KLF15: variants seen among roughly 807,000 people sequenced by gnomAD.
KLF15 encodes the protein Krueppel-like factor 15.
Under a neutral mutation model 24.6 loss-of-function variants are expected in KLF15, and 4 were observed. The observed-to-expected ratio is 0.16, with a 90% CI of 0.08 to 0.37. The LOEUF (loss-of-function observed/expected upper bound fraction) is 0.37. Ranked by LOEUF, KLF15 falls within the 10% of genes least tolerant of loss-of-function variation. The pLI is 1.00. For synonymous variants in KLF15, 246 were observed against 236.3 expected, an observed-to-expected ratio of 1.04 and a Z score of -0.37; for missense variants, 496 against 560.6, an observed-to-expected ratio of 0.88 and a Z score of 1.16.
In KLF15 at chr3:126,351,827, C is replaced by G. The variant is rs1371039059; in HGVS notation, c.1082+14G>C. 6.2e-7 allele frequency: 1 copy of G among 1,606,944 alleles called. No individual in the cohort carries two copies. On this transcript the variant is annotated intron_variant, in intron 2 of 2. Coordinates refer to ENST00000296233, the MANE Select transcript of KLF15 (RefSeq NM_014079.4). Reference sequence around the variant, plus strand: ...CTGTGCTCACTGCCCAGGCCTGTCACTCGCTATACTGACCTCCAGCCGCAG... The same window carrying G: ...CTGTGCTCACTGCCCAGGCCTGTCAGTCGCTATACTGACCTCCAGCCGCAG...
chr3:126,344,700 G>C (rs989698843), intron 2 of KLF15, among the ~76,000 whole-genome samples: 4 of 152,242 alleles, frequency 2.6e-5, no homozygotes, highest in African/African-American at 9.6e-5. Context: ...GGAGGAAGCA[G>C]CACAGGGAGA....
rs2082488677 is a variant in KLF15 at position 126,342,703 on chromosome 3, A to C, written c.*1024T>G. 1 of 152,608 alleles carries C rather than the reference A, an allele frequency of 6.6e-6. No homozygotes were observed. The highest frequency in any genetic ancestry group is 1.5e-5 in the Non-Finnish European group (1 of 68,040). The allele number at this position is 152,608 out of a possible 1,614,324, so 9.5% of individuals were successfully genotyped here. A position where few individuals can be genotyped will look rare whatever the true frequency, so the allele number is the denominator to read the frequency against. The stretch of plus-strand genomic sequence containing the variant: ...ATGAAGGACCAAAGAAAATATACGT[A>C]ATTGTAACATATGTACACCAGCTTC... On this transcript the variant is annotated 3_prime_UTR_variant, in exon 3 of 3. Coordinates refer to ENST00000296233, the MANE Select transcript of KLF15 (RefSeq NM_014079.4).
At chr3:126,314,260 T>G in the KLF15 span, among the ~76,000 whole-genome samples, 2 of 152,114 alleles carry the variant, frequency 1.3e-5, no homozygotes, top group Non-Finnish European at 2.9e-5. Context: ...GGTGGGGATA[T>G]GGGTCCCCCC....
the KLF15 span, among the ~76,000 whole-genome samples, chr3:126,302,806 T>A: frequency 6.6e-6 from 1 of 152,170 alleles, no homozygotes; most frequent in African/African-American, 2.4e-5. Context: ...GAAATAGATT[T>A]CTTATAGTAG....
At chr3:126,296,364 T>C in the KLF15 span, among the ~76,000 whole-genome samples, 50 of 152,226 alleles carry the variant, frequency 3.3e-4, no homozygotes, top group East Asian at 8.1e-3. Flanking sequence ...CCCACCACCA[T>C]GCCCGGCTAA....
the KLF15 span, among the ~76,000 whole-genome samples, chr3:126,329,152 G>T: frequency 6.6e-6 from 1 of 152,128 alleles, no homozygotes; most frequent in South Asian, 2.1e-4. Context: ...ACTTGGAGTG[G>T]ATTTTCTGTG....
At chr3:126,314,928 C>G in the KLF15 span, among the ~76,000 whole-genome samples, 9 of 152,274 alleles carry the variant, frequency 5.9e-5, no homozygotes, top group East Asian at 1.7e-3. Flanking sequence ...GCTAGGGCTG[C>G]CAGAGCACTA....
the KLF15 span, among the ~76,000 whole-genome samples, chr3:126,296,487 G>A: frequency 3.9e-5 from 6 of 152,222 alleles, no homozygotes; most frequent in Admixed American, 6.5e-5. Context: ...AATTACAGGC[G>A]TGAGCCACCA....
chr3:126,292,021 C>T, the KLF15 span, among the ~76,000 whole-genome samples: 5 of 152,232 alleles, frequency 3.3e-5, no homozygotes, highest in Non-Finnish European at 5.9e-5. Context: ...TAAGTGTCCA[C>T]GGAAGTGGCT....
Position 126,352,191 on chromosome 3 carries a change from C to A in KLF15, c.732G>T (p.Glu244Asp), listed in dbSNP as rs1335647207. The stretch of plus-strand genomic sequence containing the variant: ...CCAGGAGCTGGGCAACCTTGACATT[C>A]TCTGGGGCTTGCCCAGGGGAGGCAG... ...TGPASPGQAP[E>D]NVKVAQLLVN... The change falls in exon 2 of 3, where the codon GAG becomes GAT. Residue 244 changes from glutamate (E) to aspartate (D), a missense_variant. Physicochemically the swap from Glu to Asp is conservative, Grantham distance 45. Coordinates refer to ENST00000296233, the MANE Select transcript of KLF15 (RefSeq NM_014079.4). 2 of 1,563,540 alleles carry A rather than the reference C, an allele frequency of 1.3e-6. No individual in the cohort carries two copies. Among genetic ancestry groups the A allele is most frequent in the African/African-American group, 1.4e-5 (1 of 73,764 alleles).
intron 2 of KLF15, among the ~76,000 whole-genome samples, chr3:126,351,577 G>A (rs1391373804): frequency 6.6e-6 from 1 of 152,150 alleles, no homozygotes; most frequent in Non-Finnish European, 1.5e-5. Context: ...ACTGGATGGG[G>A]AGACCCAGCT....
At chr3:126,321,615 A>C in the KLF15 span, among the ~76,000 whole-genome samples, 1 of 152,190 alleles carries the variant, frequency 6.6e-6, no homozygotes, top group Non-Finnish European at 1.5e-5. Flanking sequence ...GATGGACAGA[A>C]CCCTGGAGGC....
At chr3:126,309,284 C>T in the KLF15 span, among the ~76,000 whole-genome samples, 22 of 152,216 alleles carry the variant, frequency 1.4e-4, no homozygotes, top group Admixed American at 2.0e-4. Flanking sequence ...CACAGCCCTG[C>T]GCTCTGGCCG....
the KLF15 span, among the ~76,000 whole-genome samples, chr3:126,314,867 C>T: frequency 6.6e-6 from 1 of 152,252 alleles, no homozygotes; most frequent in Non-Finnish European, 1.5e-5. Flanking sequence ...CCAAGGCCAT[C>T]TTTTTATGGC....
At chr3:126,288,680 C>T in the KLF15 span, among the ~76,000 whole-genome samples, 1 of 152,382 alleles carries the variant, frequency 6.6e-6, no homozygotes, top group East Asian at 1.9e-4. Context: ...GGCCCGCTCA[C>T]TTCGGGGCTC....
chr3:126,340,711 G>C (rs1206281975), downstream of KLF15, among the ~76,000 whole-genome samples: 1 of 152,090 alleles, frequency 6.6e-6, no homozygotes, highest in African/African-American at 2.4e-5. Flanking sequence ...ACCGTGGTGA[G>C]TCCAGGGCCC....
chr3:126,345,319 G>C (rs2082525167), intron 2 of KLF15, among the ~76,000 whole-genome samples: 3 of 152,028 alleles, frequency 2.0e-5, no homozygotes, highest in Admixed American at 1.3e-4. Context: ...CCATGACAAA[G>C]GACATGTTTG....
chr3:126,290,506 A>ACTTTCCTT, the KLF15 span, among the ~76,000 whole-genome samples: 1 of 144,604 alleles, frequency 6.9e-6, no homozygotes, highest in Non-Finnish European at 1.5e-5. Context: ...CTTCCTTCCT[A>ACTTTCCTT]CCTTCCTTCC....
the KLF15 span, among the ~76,000 whole-genome samples, chr3:126,299,238 T>TATGTATGTATGTATGTATG: frequency 3.3e-4 from 31 of 93,590 alleles, no homozygotes; most frequent in African/African-American, 1.2e-3. Flanking sequence ...ATGTATGTAT[T>TATGTATGTATGTATGTATG]TGTTTATTTA....
Sources: allele counts gnomAD v4.1 joint callset (sites outside exome capture counted in the v4.1 genomes callset), GRCh38; gene constraint gnomAD v4.1.1; transcripts MANE v1.5; gene names NCBI Gene and HGNC (gene_info 2026-07-23, HGNC 2026-07-21).